The following DAB1 variants were observed in gnomAD, a reference collection of about 807,000 sequenced individuals.
DAB1 encodes the protein DAB adaptor protein 1, also known as disabled homolog 1.
A neutral mutation model predicts 64.6 loss-of-function variants in DAB1; 15 were observed. The ratio of observed to expected loss-of-function variants is 0.23; its 90% CI spans 0.16 to 0.36. DAB1 has a LOEUF of 0.36. DAB1 is among the 10% of genes least tolerant of loss of function. DAB1 has a pLI of 1.00. For synonymous variants in DAB1, 235 were observed against 251.9 expected (o/e 0.93, Z 0.64); for missense variants, 596 against 706.7 (o/e 0.84, Z 1.78).
At chr1:58,442,562 T>C (rs915603800) in intron 3 of DAB1, among the ~76,000 whole-genome samples, 1 of 152,150 alleles carries the variant, frequency 6.6e-6, no homozygotes, top group Admixed American at 6.5e-5. Flanking sequence ...GATGTCAAAT[T>C]CCAAAAAGAC....
intron 6 of DAB1, among the ~76,000 whole-genome samples, chr1:57,653,749 A>T (rs1646283663): frequency 6.6e-6 from 1 of 152,128 alleles, no homozygotes. Context: ...AGTAGCTGGG[A>T]ATACAGGAGC....
intron 7 of DAB1, among the ~76,000 whole-genome samples, chr1:57,613,509 G>A (rs879799314): frequency 3.3e-5 from 5 of 152,126 alleles, no homozygotes; most frequent in Admixed American, 6.5e-5. Context: ...AGCTAGGGCC[G>A]ATTAAGTAAC....
intron 4 of DAB1, among the ~76,000 whole-genome samples, chr1:57,135,569 G>A (rs1290423472): frequency 1.3e-5 from 2 of 152,126 alleles, no homozygotes; most frequent in Admixed American, 6.5e-5. Flanking sequence ...GATCAGAGGT[G>A]TACAAATATC....
At chr1:57,980,912 TAC>T (rs145692183) in intron 5 of DAB1, among the ~76,000 whole-genome samples, 4,972 of 149,530 alleles carry the variant, frequency 0.033, 156 homozygotes, top group African/African-American at 0.077. Flanking sequence ...TATATATATA[TAC>T]ACACACACAC....
intron 6 of DAB1, among the ~76,000 whole-genome samples, chr1:57,658,762 G>A (rs1646348862): frequency 6.6e-6 from 1 of 152,064 alleles, no homozygotes; most frequent in African/African-American, 2.4e-5. Flanking sequence ...TAGAGATGAG[G>A]TTTTGCCATG....
chr1:57,324,675 C>A (rs534403698), intron 1 of DAB1, among the ~76,000 whole-genome samples: 1 of 152,240 alleles, frequency 6.6e-6, no homozygotes, highest in South Asian at 2.1e-4. Context: ...TTTCCTCCCT[C>A]CCTCCTGCCT....
intron 4 of DAB1, among the ~76,000 whole-genome samples, chr1:58,268,451 C>T (rs535955602): frequency 6.6e-6 from 1 of 152,254 alleles, no homozygotes; most frequent in Non-Finnish European, 1.5e-5. Flanking sequence ...GATTTCTCTT[C>T]TATGTGTGGC....
chr1:58,143,461 C>A (rs1308703475), intron 5 of DAB1, among the ~76,000 whole-genome samples: 4 of 152,140 alleles, frequency 2.6e-5, no homozygotes, highest in African/African-American at 9.7e-5. Flanking sequence ...TTCTGAGACA[C>A]TCCTGAAATA....
chr1:57,485,304 G>T (rs1644076340), intron 7 of DAB1, among the ~76,000 whole-genome samples: 1 of 152,024 alleles, frequency 6.6e-6, no homozygotes, highest in African/African-American at 2.4e-5. Flanking sequence ...TGTTCTATGG[G>T]GTGAGACCCT....
chr1:58,277,407 TATC>T (rs1236965786), intron 4 of DAB1, among the ~76,000 whole-genome samples: 6 of 152,188 alleles, frequency 3.9e-5, no homozygotes, highest in Admixed American at 3.9e-4. Flanking sequence ...ATTACTCAAA[TATC>T]ATCCGTGCTA....
intron 1 of DAB1, among the ~76,000 whole-genome samples, chr1:57,339,437 T>G (rs1308054982): frequency 1.6e-4 from 24 of 152,236 alleles, no homozygotes; most frequent in Admixed American, 1.6e-3. Context: ...ATTACAGGCG[T>G]GAGCACTGTG....
chr1:57,567,354 T>G (rs1318053594), intron 7 of DAB1, among the ~76,000 whole-genome samples: 1 of 152,162 alleles, frequency 6.6e-6, no homozygotes, highest in Non-Finnish European at 1.5e-5. Flanking sequence ...GCATTCCCTT[T>G]GAAAACTGGC....
At chr1:57,254,810 T>C (rs1669634401) in intron 2 of DAB1, among the ~76,000 whole-genome samples, 1 of 152,044 alleles carries the variant, frequency 6.6e-6, no homozygotes, top group Admixed American at 6.6e-5. Flanking sequence ...ATATTTGGGA[T>C]ATTTCCCTCC....
chr1:57,052,182 C>T (rs1649258490), intron 9 of DAB1, among the ~76,000 whole-genome samples: 1 of 152,104 alleles, frequency 6.6e-6, no homozygotes, highest in Non-Finnish European at 1.5e-5. Flanking sequence ...AGGCTGTCCA[C>T]AGCATACAGC....
intron 6 of DAB1, among the ~76,000 whole-genome samples, chr1:57,817,534 C>T (rs973739698): frequency 7.9e-5 from 12 of 152,306 alleles, no homozygotes; most frequent in Non-Finnish European, 1.2e-4. Context: ...TCAGCTCAGG[C>T]TGCCAACGTT....
At chr1:58,162,268 T>C (rs1655580002) in intron 4 of DAB1, among the ~76,000 whole-genome samples, 1 of 152,218 alleles carries the variant, frequency 6.6e-6, no homozygotes, top group South Asian at 2.1e-4. Flanking sequence ...CACCCAGGTA[T>C]ATGAATTCAG....
intron 5 of DAB1, among the ~76,000 whole-genome samples, chr1:58,063,427 G>A (rs1648636652): frequency 6.6e-6 from 1 of 152,304 alleles, no homozygotes; most frequent in Middle Eastern, 3.4e-3. Context: ...AGAGGACTCT[G>A]TAGACCAGAA....
At chr1:57,185,748 G>T (rs1294592562) in intron 2 of DAB1, among the ~76,000 whole-genome samples, 1 of 152,124 alleles carries the variant, frequency 6.6e-6, no homozygotes. Flanking sequence ...AATGTTTCTG[G>T]TTTTTTGTTT....
At chr1:57,960,858 T>C (rs904463265) in intron 5 of DAB1, among the ~76,000 whole-genome samples, 5 of 152,174 alleles carry the variant, frequency 3.3e-5, no homozygotes, top group African/African-American at 1.2e-4. Flanking sequence ...CCTCAACCCT[T>C]AGGAGCTTGC....
Sources: gnomAD v4.1 joint callset for allele counts (sites outside exome capture counted in the v4.1 genomes callset) on GRCh38, gnomAD v4.1.1 for gene constraint, MANE v1.5 for transcripts, NCBI Gene and HGNC (gene_info 2026-07-23, HGNC 2026-07-21) for gene names.